Variants in TPSD1 observed in about 807,000 individuals in gnomAD.
TPSD1 encodes tryptase delta.
TPSD1 carries 30 observed loss-of-function variants against 25.4 expected under a neutral mutation model. The observed-to-expected ratio is 1.18, with a 90% CI of 0.88 to 1.60. The LOEUF is 1.60. Among genes scored for constraint, TPSD1 ranks in the 40% most tolerant of loss-of-function variants. TPSD1 has a pLI of 0.00. For missense variants in TPSD1, 420 were observed against 324.2 expected, an observed-to-expected ratio of 1.30 and a Z score of -2.27; for synonymous variants, 176 against 149.4, an observed-to-expected ratio of 1.18 and a Z score of -1.30.
chr16:1,257,771 G>C (rs11863069), intron 3 of TPSD1, among the ~76,000 whole-genome samples: 1,610 of 152,280 alleles, frequency 0.011, 36 homozygotes, highest in African/African-American at 0.037. Flanking sequence ...CTGAGCCCAG[G>C]GGGAGACACG....
chr16:1,256,886 T>C lies in TPSD1; in HGVS notation c.344T>C (p.Ile115Thr), dbSNP rs1416534878. ...CAGCTGCTGCCGGTCAGCAGGATCA[T>C]CGTGCACCCACAGTTCTACATCATC... The part of the protein sequence containing the change: ...QDQLLPVSRI[I>T]VHPQFYIIQT... The change falls in exon 3 of 5, where the codon ATC (isoleucine) becomes ACC (threonine). Residue 115 changes from isoleucine to threonine, a missense_variant. Ile to Thr is a moderately conservative substitution (Grantham distance 89, BLOSUM62 -1). Coordinates refer to ENST00000211076, the MANE Select transcript of TPSD1 (RefSeq NM_012217.3). 2 of 1,613,704 alleles carry C rather than the reference T, an allele frequency of 1.2e-6. No homozygotes were observed. Among genetic ancestry groups the C allele is most frequent in the African/African-American group, 1.3e-5 (1 of 74,934 alleles).
In TPSD1 at chr16:1,258,418, G is replaced by A; in HGVS notation, c.*42G>A. On this transcript the variant is annotated 3_prime_UTR_variant, in exon 5 of 5. Coordinates refer to ENST00000211076, the MANE Select transcript of TPSD1 (RefSeq NM_012217.3). ...TCAGCTGGGAGGAGAGCTGTGCCCA[G>A]CCCAACCGGCCTGGCATCTACACCC... is the stretch of plus-strand genomic sequence containing the variant. 3 of 1,613,342 alleles carry A rather than the reference G, an allele frequency of 1.9e-6. No individual in the cohort carries two copies. The South Asian group carries it at 3.3e-5, about 18-fold the overall frequency.
In TPSD1 at chr16:1,256,958, A is replaced by G. The variant is rs771543183; in HGVS notation, c.416A>G (p.Asn139Ser). 2 of 1,613,708 alleles carry G rather than the reference A, an allele frequency of 1.2e-6. No individual in the cohort carries two copies. The highest frequency in any genetic ancestry group is 8.5e-7 in the Non-Finnish European group (1 of 1,179,980). ...CTGCTGGAGCTGGAGGAGCCCGTGA[A>G]CATCTCCAGCCACATCCACACGGTC... ...IALLELEEPV[N>S]ISSHIHTVTL... The change falls in exon 3 of 5, where the codon AAC becomes AGC. Residue 139 changes from asparagine (N) to serine (S), a missense_variant. Physicochemically the swap from Asn to Ser is conservative, Grantham distance 46. Coordinates refer to ENST00000211076, the MANE Select transcript of TPSD1 (RefSeq NM_012217.3).
intron 3 of TPSD1, 90 bp from the exon 4 acceptor site, chr16:1,257,969 C>T (rs1567578319): frequency 7.2e-7 from 1 of 1,387,540 alleles, no homozygotes; most frequent in Non-Finnish European, 9.9e-7. Context: ...CCCATGGTGC[C>T]ATCTCCCCTG....
At chr16:1,257,782 G>C (rs2031007010) in intron 3 of TPSD1, among the ~76,000 whole-genome samples, 1 of 152,176 alleles carries the variant, frequency 6.6e-6, no homozygotes, top group South Asian at 2.1e-4. Context: ...GGGAGACACG[G>C]GTCGGGCTCT....
At position 1,256,895 on chromosome 16, in the gene TPSD1, C is replaced by G. The variant is rs765786264; in HGVS notation, c.353C>G (p.Pro118Arg). Reference protein sequence around the residue: ...LLPVSRIIVHPQFYIIQTGAD... With the variant: ...LLPVSRIIVHRQFYIIQTGAD... ...CCGGTCAGCAGGATCATCGTGCACC[C>G]ACAGTTCTACATCATCCAGACCGGG... Residue 118 changes from proline to arginine, a missense_variant, in exon 3 of 5, where the codon CCA becomes CGA. Transcript: ENST00000211076. The G allele has an allele frequency of 1.2e-6, 2 of 1,613,922 alleles. No individual in the cohort carries two copies. Among genetic ancestry groups the G allele is most frequent in the Non-Finnish European group, 1.7e-6 (2 of 1,180,030 alleles).
chr16:1,256,521 G>T lies in TPSD1; in HGVS notation c.88G>T (p.Gly30Cys), dbSNP rs1323329121. The T allele has an allele frequency of 1.2e-6, 2 of 1,609,134 alleles. No homozygotes were observed. The highest frequency in any genetic ancestry group is 3.3e-5 in the Admixed American group (2 of 59,732). Residue 30 changes from glycine (G) to cysteine (C), a missense_variant, in exon 2 of 5, where the codon GGC (glycine) becomes TGC (cysteine). Gly to Cys is a radical substitution (Grantham distance 159). Coordinates refer to ENST00000211076, the MANE Select transcript of TPSD1 (RefSeq NM_012217.3). ...TGACCTGGCACCTGCCCCAGCCCCA[G>T]GCCAGGCCCTGCAGCAAACGGGCAT... ...ASPAYVAPAP[G>C]QALQQTGIVG...
chr16:1,257,094 A>C (rs1332037981), intron 3 of TPSD1, 32 bp downstream of exon 3: 1 of 1,562,698 alleles, frequency 6.4e-7, no homozygotes, highest in Non-Finnish European at 8.7e-7. Context: ...AGGCCGGGCC[A>C]GGTGGGCACC....
chr16:1,258,936 CT>C lies in TPSD1; in HGVS notation c.*561del, dbSNP rs898604561. On this transcript the variant is annotated 3_prime_UTR_variant, in exon 5 of 5. Coordinates refer to ENST00000211076, the MANE Select transcript of TPSD1 (RefSeq NM_012217.3). ...CCCTCCCGGCCCCTCCGGCCCTCCC[CT>C]GCCCAGGCAGCTGGTGGTGGACGCC... The C allele has an allele frequency of 2.8e-5, 4 of 141,490 alleles. No individual in the cohort carries two copies. The highest frequency in any genetic ancestry group is 1.1e-4 in the African/African-American group (4 of 37,408). The allele number at this position is 141,490 out of a possible 1,614,324, so 8.8% of individuals were successfully genotyped here. A position where few individuals can be genotyped will look rare whatever the true frequency, so the allele number is the denominator to read the frequency against.
At position 1,257,036 on chromosome 16, in the gene TPSD1, C is replaced by G; in HGVS notation, c.494C>G (p.Thr165Ser). ...TFPPGMPCWV[T>S]GWGDVDNNVH... Reference sequence around the variant, plus strand: ...CCCCCGGGGATGCCGTGCTGGGTCACTGGCTGGGGCGACGTGGACAATAAT... The same window carrying G: ...CCCCCGGGGATGCCGTGCTGGGTCAGTGGCTGGGGCGACGTGGACAATAAT... Residue 165 changes from threonine (T) to serine (S), a missense_variant, in exon 3 of 5, where the codon ACT (threonine) becomes AGT (serine). Transcript: ENST00000211076. 6.2e-7 allele frequency: 1 copy of G among 1,612,048 alleles called. No individual in the cohort carries two copies. Among genetic ancestry groups the G allele is most frequent in the Non-Finnish European group, 8.5e-7 (1 of 1,179,360 alleles).
At chr16:1,256,462 G>A in intron 1 of TPSD1, 54 bp from the exon 2 acceptor site, 1 of 1,608,460 alleles carries the variant, frequency 6.2e-7, no homozygotes, top group South Asian at 1.1e-5. Context: ...CACAGGGAAG[G>A]GCTGGTCCCA....
At chr16:1,257,091 G>A (rs1385289030) in intron 3 of TPSD1, 29 bp downstream of exon 3, 1 of 1,565,286 alleles carries the variant, frequency 6.4e-7, no homozygotes, top group Non-Finnish European at 8.7e-7. Flanking sequence ...GGGAGGCCGG[G>A]CCAGGTGGGC....
rs2272971 is a variant in TPSD1, at chr16:1,256,980, G to A, written c.438G>A (p.Thr146=). The A allele has an allele frequency of 0.21, 339,299 of 1,612,990 alleles. 38,140 individuals carry two copies. The highest frequency in any genetic ancestry group is 0.36 in the Admixed American group (21,679 of 59,842). Residue 146 remains threonine, a synonymous_variant, in exon 3 of 5, where the codon ACG becomes ACA. Transcript: ENST00000211076. The part of the protein sequence containing the change: ...EPVNISSHIH[T]VTLPPASETF... ...TGAACATCTCCAGCCACATCCACAC[G>A]GTCACGCTGCCCCCTGCCTCGGAGA...
chr16:1,257,331 A>C, intron 3 of TPSD1: 1 of 556,854 alleles, frequency 1.8e-6, no homozygotes, highest in Non-Finnish European at 3.2e-6. Context: ...AGGGTGCATC[A>C]AAAGTTTGTA....
At position 1,256,853 on chromosome 16, in the gene TPSD1, A is replaced by G. The variant is rs745652377; in HGVS notation, c.311A>G (p.Tyr104Cys). The G allele has an allele frequency of 6.2e-7, 1 of 1,613,230 alleles. No homozygotes were observed. The highest frequency in any genetic ancestry group is 8.5e-7 in the Non-Finnish European group (1 of 1,180,008). ...RVQLREQHLY[Y>C]QDQLLPVSRI... The stretch of plus-strand genomic sequence containing the variant: ...CAACTGCGGGAGCAGCACCTCTACT[A>G]CCAGGACCAGCTGCTGCCGGTCAGC... The change falls in exon 3 of 5, where the codon TAC (tyrosine) becomes TGC (cysteine). Residue 104 changes from tyrosine to cysteine, a missense_variant. By Grantham distance (194) the Tyr-to-Cys change is radical. Coordinates refer to ENST00000211076, the MANE Select transcript of TPSD1 (RefSeq NM_012217.3).
At position 1,257,088 on chromosome 16, in the gene TPSD1, C is replaced by T. The variant is rs770934296; in HGVS notation, c.520+26C>T. The T allele has an allele frequency of 3.2e-6, 5 of 1,570,836 alleles. No homozygotes were observed. The South Asian group carries it at 3.5e-5, about 11-fold the overall frequency. ...GTGGGTGTTGGGGACAGCGGGAGGC[C>T]GGGCCAGGTGGGCACCAAGTCACAG... is the stretch of plus-strand genomic sequence containing the variant. On this transcript the variant is annotated intron_variant, in intron 3 of 4. Coordinates refer to ENST00000211076, the MANE Select transcript of TPSD1 (RefSeq NM_012217.3).
intron 4 of TPSD1, 34 bp from the exon 5 acceptor site, chr16:1,258,298 C>T: frequency 6.2e-7 from 1 of 1,607,876 alleles, no homozygotes; most frequent in Non-Finnish European, 8.5e-7. Flanking sequence ...CCCCCGAAGC[C>T]TGGCCAGCGA....
intron 3 of TPSD1, chr16:1,257,315 C>T (rs1180444284): frequency 1.8e-6 from 1 of 569,608 alleles, no homozygotes; most frequent in Non-Finnish European, 3.1e-6. Context: ...TTTCCCCTTG[C>T]CTGAAAGGGT....
chr16:1,256,624 A>G lies in TPSD1; in HGVS notation c.191A>G (p.His64Arg), dbSNP rs1474178511. Residue 64 changes from histidine to arginine, a missense_variant, in exon 2 of 5, where the codon CAC (histidine) becomes CGC (arginine). Physicochemically the swap from His to Arg is conservative, Grantham distance 29. Transcript: ENST00000211076. ...SLRVRGPYWM[H>R]FCGGSLIHPQ... ...AGAGTCCGCGGCCCATACTGGATGC[A>G]CTTCTGCGGGGGCTCCCTCATCCAC... The G allele has an allele frequency of 2.5e-6, 4 of 1,612,882 alleles. No homozygotes were observed. The African/African-American group carries it at 5.3e-5, about 22-fold the overall frequency.
Sources: gnomAD v4.1 joint callset for allele counts (sites outside exome capture counted in the v4.1 genomes callset) on GRCh38, gnomAD v4.1.1 for gene constraint, MANE v1.5 for transcripts, NCBI Gene and HGNC (gene_info 2026-07-23, HGNC 2026-07-21) for gene names.